Variants in DNMBP observed in about 807,000 individuals in gnomAD.
DNMBP encodes dynamin binding protein, also known as dynamin-binding protein.
A neutral mutation model predicts 150.0 loss-of-function variants in DNMBP; 87 were observed. The observed-to-expected ratio is 0.58, with a 90% confidence interval of 0.49 to 0.69. The LOEUF is 0.69. Ranked by LOEUF, DNMBP falls within the 30% of genes least tolerant of loss-of-function variation. DNMBP has a pLI of 0.00. For missense variants in DNMBP, 1,774 were observed against 1,949.0 expected (o/e 0.91, Z 1.69); for synonymous variants, 711 against 750.4 (o/e 0.95, Z 0.86).
At chr10:99,886,212 A>C in intron 13 of DNMBP, 88 bp downstream of exon 13, 1 of 1,144,282 alleles carries the variant, frequency 8.7e-7, no homozygotes, top group East Asian at 2.4e-5. Context: ...AATTCAGATA[A>C]TTTTTCAAAC....
intron 1 of DNMBP, among the ~76,000 whole-genome samples, chr10:100,004,030 A>C (rs2041042800): frequency 6.6e-6 from 1 of 151,476 alleles, no homozygotes; most frequent in Non-Finnish European, 1.5e-5. Context: ...CCGGGAGTTC[A>C]AGACCGGCCT....
chr10:99,947,423 A>T (rs963429610), intron 4 of DNMBP, among the ~76,000 whole-genome samples: 4 of 152,236 alleles, frequency 2.6e-5, no homozygotes, highest in Non-Finnish European at 5.9e-5. Context: ...ACATGGATGC[A>T]GCTGGAGGCC....
At chr10:99,905,341 G>A (rs762516771) in intron 6 of DNMBP, among the ~76,000 whole-genome samples, 1 of 152,196 alleles carries the variant, frequency 6.6e-6, no homozygotes, top group African/African-American at 2.4e-5. Flanking sequence ...TTGCCTGCAC[G>A]ACAGAAAGAC....
chr10:99,946,117 C>G (rs918206228), intron 4 of DNMBP, among the ~76,000 whole-genome samples: 2 of 152,290 alleles, frequency 1.3e-5, no homozygotes, highest in South Asian at 4.1e-4. Flanking sequence ...CCACTATGCC[C>G]TGCTAATTTT....
In DNMBP at chr10:99,956,812, A is replaced by T. The variant is rs751869236; in HGVS notation, c.662T>A (p.Ile221Asn). The T allele has an allele frequency of 6.2e-7, 1 of 1,614,070 alleles. No homozygotes were observed. The highest frequency in any genetic ancestry group is 8.5e-7 in the Non-Finnish European group (1 of 1,180,000). Reference sequence around the variant, plus strand: ...AGGGGTATCTACTTCACCATTAACAATGCAGTCATCTTGATTTCCAGAACT... The same window carrying T: ...AGGGGTATCTACTTCACCATTAACATTGCAGTCATCTTGATTTCCAGAACT... ...SVSSGNQDDC[I>N]VNGEVDTPVG... Residue 221 changes from isoleucine (I) to asparagine (N), a missense_variant, in exon 4 of 17, where the codon ATT becomes AAT. By Grantham distance (149) the Ile-to-Asn change is moderately radical. Around this residue, in one of 2 missense-constraint regions of DNMBP, gnomAD observed 344 missense variants for 456.6 expected, o/e 0.75. Coordinates refer to ENST00000324109, the MANE Select transcript of DNMBP (RefSeq NM_015221.4).
At chr10:99,937,670 T>C (rs947147381) in intron 4 of DNMBP, among the ~76,000 whole-genome samples, 1 of 152,158 alleles carries the variant, frequency 6.6e-6, no homozygotes, top group Non-Finnish European at 1.5e-5. Context: ...CATTCTCTCT[T>C]TGTTTCCAGT....
At chr10:99,930,893 T>G in intron 4 of DNMBP, 1 of 561,480 alleles carries the variant, frequency 1.8e-6, no homozygotes, top group Non-Finnish European at 3.1e-6. Context: ...TTCCAGACAC[T>G]CTTCTCGTTG....
chr10:99,952,106 ACT>A (rs2040430594), intron 4 of DNMBP, among the ~76,000 whole-genome samples: 1 of 151,432 alleles, frequency 6.6e-6, no homozygotes, highest in African/African-American at 2.4e-5. Context: ...CCCTACACAA[ACT>A]CTCTCTTTGC....
intron 1 of DNMBP, among the ~76,000 whole-genome samples, chr10:99,987,944 C>T (rs2040845631): frequency 6.6e-6 from 1 of 152,100 alleles, no homozygotes; most frequent in Non-Finnish European, 1.5e-5. Flanking sequence ...TAACTATGTC[C>T]TAGAGACTCC....
chr10:99,971,326 C>CCTTT (rs904669687), intron 2 of DNMBP, among the ~76,000 whole-genome samples: 26 of 151,794 alleles, frequency 1.7e-4, no homozygotes, highest in South Asian at 1.0e-3. Flanking sequence ...TTCCTTCCTT[C>CCTTT]CTTTCTTTCT....
Position 99,955,855 on chromosome 10 carries a change from G to A in DNMBP, c.1619C>T (p.Ser540Leu), listed in dbSNP as rs766746822. 4 of 1,614,246 alleles carry A rather than the reference G, an allele frequency of 2.5e-6. No individual in the cohort carries two copies. In the South Asian group the frequency reaches 4.4e-5, roughly 18 times the overall value. The change falls in exon 4 of 17, where the codon TCA becomes TTA. Residue 540 changes from serine (S) to leucine (L), a missense_variant. Transcript: ENST00000324109. ...QGLVMEAATHSQGDGSTDLDS... is the reference protein window; with the variant it reads ...QGLVMEAATHLQGDGSTDLDS... ...CAGGTCAGTGCTGCCGTCTCCCTGTGAATGTGTTGCTGCTTCCATAACAAG... is the reference window on the plus strand; with the variant it reads ...CAGGTCAGTGCTGCCGTCTCCCTGTAAATGTGTTGCTGCTTCCATAACAAG...
At chr10:99,922,103 G>A (rs2040028904) in intron 4 of DNMBP, among the ~76,000 whole-genome samples, 1 of 152,082 alleles carries the variant, frequency 6.6e-6, no homozygotes, top group Non-Finnish European at 1.5e-5. Flanking sequence ...TACCAGCACT[G>A]TCACACCCCT....
rs181365872 is a variant in DNMBP at position 99,877,355 on chromosome 10, G to A, written c.4549-19C>T. The stretch of plus-strand genomic sequence containing the variant: ...AATAGACCTGTGTGAGGGAGAGAGA[G>A]AAAATGGGAAATTGCTGGGAGCAAT... On this transcript the variant is annotated intron_variant, in intron 16 of 16. Coordinates refer to ENST00000324109, the MANE Select transcript of DNMBP (RefSeq NM_015221.4). The A allele has an allele frequency of 6.0e-4, 957 of 1,584,188 alleles. 2 individuals carry two copies. The African/African-American group carries it at 7.2e-3, about 12-fold the overall frequency.
In DNMBP at chr10:99,899,976, A is replaced by G; in HGVS notation, c.2645T>C (p.Ile882Thr). Reference sequence around the variant, plus strand: ...CTGGATCTTCTCATCCTTCTCGTAGATTTCAAGCAGCGCAATGGCCTCATC... The same window carrying G: ...CTGGATCTTCTCATCCTTCTCGTAGGTTTCAAGCAGCGCAATGGCCTCATC... The part of the protein sequence containing the change: ...NHDEAIALLE[I>T]YEKDEKIQKH... The change falls in exon 7 of 17, where the codon ATC (isoleucine) becomes ACC (threonine). Residue 882 changes from isoleucine (I) to threonine (T), a missense_variant. By Grantham distance (89) the Ile-to-Thr change is moderately conservative (BLOSUM62 -1). Around this residue, in one of 2 missense-constraint regions of DNMBP, gnomAD observed 1,430 missense variants for 1,492.5 expected, o/e 0.96. Coordinates refer to ENST00000324109, the MANE Select transcript of DNMBP (RefSeq NM_015221.4). 6.2e-7 allele frequency: 1 copy of G among 1,614,162 alleles called. No homozygotes were observed. Among genetic ancestry groups the G allele is most frequent in the Non-Finnish European group, 8.5e-7 (1 of 1,180,030 alleles).
intron 1 of DNMBP, among the ~76,000 whole-genome samples, chr10:99,996,215 C>T (rs1388322439): frequency 6.6e-6 from 1 of 152,160 alleles, no homozygotes; most frequent in Non-Finnish European, 1.5e-5. Flanking sequence ...AACGTTTGAA[C>T]ATGTTGGTAA....
At chr10:99,955,107 T>G in intron 4 of DNMBP, 107 bp downstream of exon 4, 1 of 919,784 alleles carries the variant, frequency 1.1e-6, no homozygotes, top group African/African-American at 1.7e-5. Flanking sequence ...TGTAAATCAT[T>G]TTTTGTCCAT....
chr10:99,955,531 G>T lies in DNMBP; in HGVS notation c.1943C>A (p.Pro648His), dbSNP rs1460244266. 6.3e-7 allele frequency: 1 copy of T among 1,597,584 alleles called. No homozygotes were observed. Among genetic ancestry groups the T allele is most frequent in the African/African-American group, 1.3e-5 (1 of 74,174 alleles). The change falls in exon 4 of 17, where the codon CCT (proline) becomes CAT (histidine). Residue 648 changes from proline to histidine, a missense_variant. By Grantham distance (77) the Pro-to-His change is moderately conservative (BLOSUM62 -2). Transcript: ENST00000324109. ...ATTCGTTCTCTGCTGTGCTGAGGGA[G>T]GCAGGGGAGCTGGGCGAGAGGGTCG... ...VVRPSRPAPLPPSAQQRTNAV... is the reference protein window; with the variant it reads ...VVRPSRPAPLHPSAQQRTNAV...
At chr10:100,009,539 G>C (rs2041110240) in intron 1 of DNMBP, among the ~76,000 whole-genome samples, 1 of 152,204 alleles carries the variant, frequency 6.6e-6, no homozygotes, top group African/African-American at 2.4e-5. Context: ...TGCAGAGAAA[G>C]AGCCCTGGGC....
chr10:99,879,976 G>T lies in DNMBP; in HGVS notation c.4383C>A (p.Ala1461=), dbSNP rs1274143913. 6.2e-7 allele frequency: 1 copy of T among 1,614,184 alleles called. No homozygotes were observed. The highest frequency in any genetic ancestry group is 8.5e-7 in the Non-Finnish European group (1 of 1,180,044). ...TGAAGTTCCGGTAGCTCCTCGGCGTGGCAGTGGGTTGCTTTACATCTCTAG... is the reference window on the plus strand; with the variant it reads ...TGAAGTTCCGGTAGCTCCTCGGCGTTGCAGTGGGTTGCTTTACATCTCTAG... ...DVARDVKQPT[A]TPRSYRNFRH... Residue 1461 remains alanine (A), a synonymous_variant, in exon 16 of 17, where the codon GCC becomes GCA. Coordinates refer to ENST00000324109, the MANE Select transcript of DNMBP (RefSeq NM_015221.4).
Sources: allele counts gnomAD v4.1 joint callset (sites outside exome capture counted in the v4.1 genomes callset), GRCh38; gene constraint gnomAD v4.1.1; regional missense constraint gnomAD v4.1.1; transcripts MANE v1.5; gene names NCBI Gene and HGNC (gene_info 2026-07-23, HGNC 2026-07-21).